Variants in RIMS2 observed in about 807,000 individuals in gnomAD.
RIMS2 encodes regulating synaptic membrane exocytosis protein 2.
A neutral mutation model predicts 174.4 loss-of-function variants in RIMS2; 59 were observed. That is an observed-to-expected ratio of 0.34 (90% CI 0.27 to 0.42). The LOEUF is 0.42. Among genes scored for constraint, RIMS2 ranks in the 10% least tolerant of loss-of-function variants. The pLI is 1.00. For missense variants in RIMS2, 1,620 were observed against 1,666.3 expected (o/e 0.97, Z 0.48); for synonymous variants, 606 against 572.5 (o/e 1.06, Z -0.84).
At chr8:103,706,034 A>G (rs1305380242) in intron 2 of RIMS2, among the ~76,000 whole-genome samples, 1 of 151,362 alleles carries the variant, frequency 6.6e-6, no homozygotes, top group Non-Finnish European at 1.5e-5. Context: ...TCCTGGTATT[A>G]TATTTTAATT....
chr8:103,569,948 A>G (rs1362921403), intron 1 of RIMS2, among the ~76,000 whole-genome samples: 1 of 152,072 alleles, frequency 6.6e-6, no homozygotes, highest in Non-Finnish European at 1.5e-5. Context: ...TATTTTAAAC[A>G]TGCAATTGTT....
chr8:103,951,980 C>G (rs146705978), intron 14 of RIMS2, among the ~76,000 whole-genome samples: 3 of 152,194 alleles, frequency 2.0e-5, no homozygotes, highest in African/African-American at 7.2e-5. Flanking sequence ...GTAAACAAAG[C>G]GGCCAGGAAG....
chr8:103,690,129 T>C (rs1269189305), intron 1 of RIMS2, among the ~76,000 whole-genome samples: 2 of 151,822 alleles, frequency 1.3e-5, no homozygotes, highest in Non-Finnish European at 2.9e-5. Context: ...CCCAGCTAAT[T>C]TTTTTTGTAT....
intron 19 of RIMS2, among the ~76,000 whole-genome samples, chr8:104,146,372 C>G: frequency 6.6e-6 from 1 of 152,054 alleles, no homozygotes. Context: ...GAGCAAAACA[C>G]CATCTCTAAA....
intron 1 of RIMS2, among the ~76,000 whole-genome samples, chr8:103,672,284 C>T (rs1178273341): frequency 6.6e-6 from 1 of 151,652 alleles, no homozygotes; most frequent in Non-Finnish European, 1.5e-5. Flanking sequence ...ATATGCAAAT[C>T]TTGTTCAAAG....
At chr8:103,569,184 C>G (rs1400452957) in intron 1 of RIMS2, among the ~76,000 whole-genome samples, 2 of 152,088 alleles carry the variant, frequency 1.3e-5, no homozygotes, top group African/African-American at 2.4e-5. Flanking sequence ...ACATTTAGGT[C>G]TTTAATCCCC....
chr8:103,810,586 T>G (rs1484223367), intron 3 of RIMS2, among the ~76,000 whole-genome samples: 1 of 152,220 alleles, frequency 6.6e-6, no homozygotes, highest in African/African-American at 2.4e-5. Context: ...CCTAATGTCC[T>G]TTAAAAATTT....
At position 103,652,195 on chromosome 8, in the gene RIMS2, A is replaced by G. The variant is rs1229068278; in HGVS notation, c.177-44891A>G. The G allele has an allele frequency of 1.5e-6, 2 of 1,343,250 alleles. No individual in the cohort carries two copies. The highest frequency in any genetic ancestry group is 2.0e-6 in the Non-Finnish European group (2 of 1,014,008). The allele number at this position is 1,343,250 out of a possible 1,614,324, so 83.2% of individuals were successfully genotyped here. ...ACAGTGCACTCAGTTGTGCAAACTT[A>G]TCTTTTTAGGGTCAAAGAAGAACAC... On this transcript the variant is annotated intron_variant, in intron 1 of 23. Coordinates refer to ENST00000504942, the Ensembl canonical transcript of RIMS2.
intron 3 of RIMS2, among the ~76,000 whole-genome samples, chr8:103,859,137 C>T (rs1160752268): frequency 6.6e-6 from 1 of 152,074 alleles, no homozygotes; most frequent in Non-Finnish European, 1.5e-5. Flanking sequence ...AAGCATTAAG[C>T]ATCTCATTGA....
intron 3 of RIMS2, among the ~76,000 whole-genome samples, chr8:103,858,728 C>T (rs990906427): frequency 8.9e-6 from 1 of 111,902 alleles, no homozygotes; most frequent in East Asian, 2.0e-4. Flanking sequence ...CCAATACATA[C>T]CTATACACAC....
intron 19 of RIMS2, among the ~76,000 whole-genome samples, chr8:104,035,803 C>A (rs1213449250): frequency 6.6e-6 from 1 of 152,064 alleles, no homozygotes; most frequent in Non-Finnish European, 1.5e-5. Flanking sequence ...TGGTCATTAT[C>A]AGCAGCTTGA....
intron 19 of RIMS2, among the ~76,000 whole-genome samples, chr8:104,018,672 G>A (rs1455445787): frequency 1.3e-5 from 2 of 152,014 alleles, no homozygotes; most frequent in Admixed American, 6.6e-5. Context: ...GTACAGTTTT[G>A]TTGAAGCTTT....
chr8:103,676,672 A>T (rs150252767), intron 1 of RIMS2, among the ~76,000 whole-genome samples: 64 of 152,192 alleles, frequency 4.2e-4, no homozygotes, highest in Middle Eastern at 3.4e-3. Context: ...AGCTTAATTC[A>T]GGAGCCCTCA....
chr8:103,648,940 T>A (rs10110551), intron 1 of RIMS2, among the ~76,000 whole-genome samples: 7,734 of 152,290 alleles, frequency 0.051, 292 homozygotes, highest in Non-Finnish European at 0.075. Flanking sequence ...CCCATTTATA[T>A]TTAAGGTTAG....
intron 19 of RIMS2, among the ~76,000 whole-genome samples, chr8:104,161,737 T>C (rs1166300650): frequency 2.0e-5 from 3 of 152,184 alleles, no homozygotes; most frequent in African/African-American, 4.8e-5. Flanking sequence ...CTGCTCTGTG[T>C]CTCACAAGAC....
At chr8:103,616,090 A>T (rs2095497964) in intron 1 of RIMS2, among the ~76,000 whole-genome samples, 1 of 152,182 alleles carries the variant, frequency 6.6e-6, no homozygotes, top group Admixed American at 6.5e-5. Flanking sequence ...TCAGGCCAAA[A>T]TTGTTGATGA....
chr8:103,995,536 A>G lies in RIMS2; in HGVS notation c.3044+6115A>G, dbSNP rs1308960442. ...TGAACAAATTCTTGGAGTCAGGAAA[A>G]CACATGATAATTTAGAGAATCTTAG... On this transcript the variant is annotated intron_variant, in intron 17 of 23. Transcript: ENST00000504942. 6.3e-4 allele frequency among the ~76,000 whole-genome samples: 96 copies of G among 152,184 alleles called. 1 individual carries two copies. The highest frequency in any genetic ancestry group is 6.3e-3 in the Admixed American group (96 of 15,278).
At chr8:103,777,034 A>G (rs1292905829) in intron 3 of RIMS2, among the ~76,000 whole-genome samples, 1 of 152,050 alleles carries the variant, frequency 6.6e-6, no homozygotes, top group Non-Finnish European at 1.5e-5. Flanking sequence ...AGACATTTAG[A>G]TTTTCTCTAC....
downstream of RIMS2, chr8:104,254,146 G>T (rs1048842323): frequency 1.3e-5 from 2 of 151,878 alleles, no homozygotes; most frequent in Non-Finnish European, 2.9e-5. Flanking sequence ...TAAGAAGGAC[G>T]TGACTACGGA....
Sources: gnomAD v4.1 joint callset for allele counts (sites outside exome capture counted in the v4.1 genomes callset) on GRCh38, gnomAD v4.1.1 for gene constraint, MANE v1.5 for transcripts, NCBI Gene and HGNC (gene_info 2026-07-23, HGNC 2026-07-21) for gene names.